The following CREB3L3 variants were observed in gnomAD, a reference collection of about 807,000 sequenced individuals.
The protein encoded by CREB3L3 is cAMP responsive element binding protein 3 like 3.
CREB3L3 carries 40 observed loss-of-function variants against 44.6 expected under a neutral mutation model. The observed-to-expected ratio is 0.90, with a 90% CI of 0.70 to 1.17. The LOEUF is 1.17. CREB3L3 is among the 50% of genes most tolerant of loss of function. The pLI, the probability that CREB3L3 is intolerant of heterozygous loss-of-function variation, is 0.00. For synonymous variants in CREB3L3, 273 were observed against 256.3 expected (o/e 1.06, Z -0.62); for missense variants, 578 against 595.8 (o/e 0.97, Z 0.31).
chr19:4,156,822 A>G (rs891809298), intron 2 of CREB3L3, among the ~76,000 whole-genome samples, 173 bp from the exon 3 acceptor site: 23 of 152,014 alleles, frequency 1.5e-4, no homozygotes, highest in Admixed American at 1.4e-3. Flanking sequence ...TTTTTATGCT[A>G]TGTTACTGCG....
chr19:4,157,330 C>A, intron 3 of CREB3L3, 35 bp downstream of exon 3: 2 of 1,609,716 alleles, frequency 1.2e-6, no homozygotes, highest in Non-Finnish European at 8.5e-7. Flanking sequence ...ACCGCCCTCA[C>A]CTTGTTCCAG....
rs1034184949 is a variant in CREB3L3 at position 4,153,680 on chromosome 19, C to T, written c.-68C>T. 11 of 1,588,900 alleles carry T rather than the reference C, an allele frequency of 6.9e-6. No individual in the cohort carries two copies. Among genetic ancestry groups the T allele is most frequent in the African/African-American group, 2.7e-5 (2 of 74,412 alleles). The stretch of plus-strand genomic sequence containing the variant: ...CTTGCCCGGCCCCAGGTAACGCTGG[C>T]GGTGGGTGGGCCTCCAGCTTGGAGC... On this transcript the variant is annotated 5_prime_UTR_variant, in exon 1 of 10. Coordinates refer to ENST00000078445, the MANE Select transcript of CREB3L3 (RefSeq NM_032607.3).
At chr19:4,158,640 A>G (rs180922962) in intron 3 of CREB3L3, among the ~76,000 whole-genome samples, 7 of 152,134 alleles carry the variant, frequency 4.6e-5, no homozygotes, top group Admixed American at 3.9e-4. Context: ...GTCTCTACTA[A>G]AAATACAAAA....
chr19:4,156,037 C>G (rs1188075732), intron 2 of CREB3L3, among the ~76,000 whole-genome samples: 4 of 151,666 alleles, frequency 2.6e-5, no homozygotes, highest in Admixed American at 2.6e-4. Context: ...GCGTGAGCCA[C>G]CACACCCGGC....
chr19:4,159,639 C>T (rs766271482), intron 3 of CREB3L3, 25 bp from the exon 4 acceptor site: 22 of 1,086,950 alleles, frequency 2.0e-5, no homozygotes, highest in Non-Finnish European at 2.9e-5. Flanking sequence ...CTCTCCCTGT[C>T]TCCGTCCCCA....
Position 4,168,334 on chromosome 19 carries a change from C to T in CREB3L3, c.715-17C>T, listed in dbSNP as rs748040524. 5 of 1,601,154 alleles carry T rather than the reference C, an allele frequency of 3.1e-6. No individual in the cohort carries two copies. The highest frequency in any genetic ancestry group is 3.4e-6 in the Non-Finnish European group (4 of 1,171,096). On this transcript the variant is annotated splice_polypyrimidine_tract_variant and intron_variant, in intron 5 of 9. Coordinates refer to ENST00000078445, the MANE Select transcript of CREB3L3 (RefSeq NM_032607.3). ...GACTTTCTGGCCTGAAACCCTCCTC[C>T]CCATTTCACTTGGCAGTACGAGGAG...
At chr19:4,163,572 G>A (rs918103416) in intron 4 of CREB3L3, among the ~76,000 whole-genome samples, 1 of 152,092 alleles carries the variant, frequency 6.6e-6, no homozygotes, top group African/African-American at 2.4e-5. Flanking sequence ...TGTCGCCCAG[G>A]CTGGATCTCA....
chr19:4,171,576 CCT>C lies in CREB3L3; in HGVS notation c.1073-79_1073-78del. 2 of 1,602,942 alleles carry C rather than the reference CCT, an allele frequency of 1.2e-6. No homozygotes were observed. The highest frequency in any genetic ancestry group is 1.7e-6 in the Non-Finnish European group (2 of 1,170,144). ...GGAGAAGACCCCTGTGCCCTTGTTC[CCT>C]GAGGCTGGGGGCCAGGGAAGGGAGC... On this transcript the variant is annotated intron_variant, in intron 9 of 9. Coordinates refer to ENST00000078445, the MANE Select transcript of CREB3L3 (RefSeq NM_032607.3). This position sits in a 1 kb window ranked among gnomAD's most constrained non-coding sequence, Gnocchi z 4.9.
At chr19:4,162,411 A>G (rs1349926198) in intron 4 of CREB3L3, among the ~76,000 whole-genome samples, 1 of 151,456 alleles carries the variant, frequency 6.6e-6, no homozygotes, top group East Asian at 1.9e-4. Context: ...TTTTTTGTAT[A>G]GCTGACATAC....
chr19:4,170,053 T>G, intron 6 of CREB3L3, 87 bp from the exon 7 acceptor site: 1 of 1,307,666 alleles, frequency 7.6e-7, no homozygotes, highest in Admixed American at 1.7e-5. Context: ...TCTCTTGGCT[T>G]GTAACGTGAG....
chr19:4,169,694 C>T (rs921398694), intron 6 of CREB3L3, among the ~76,000 whole-genome samples: 5 of 148,378 alleles, frequency 3.4e-5, no homozygotes, highest in Non-Finnish European at 7.4e-5. Flanking sequence ...CGGGTTCAAT[C>T]GATTCTCCTG....
intron 4 of CREB3L3, among the ~76,000 whole-genome samples, chr19:4,164,076 C>T (rs1392233106): frequency 2.7e-5 from 4 of 149,136 alleles, no homozygotes; most frequent in Admixed American, 6.8e-5. Flanking sequence ...TGGGTTCAAG[C>T]GATTCTCCTG....
intron 2 of CREB3L3, among the ~76,000 whole-genome samples, chr19:4,156,324 A>AT: frequency 6.6e-6 from 1 of 151,698 alleles, no homozygotes; most frequent in African/African-American, 2.4e-5. Context: ...AGTAGCTGAG[A>AT]TTACAGGCAT....
rs1195799843 is a variant in CREB3L3 at position 4,166,708 on chromosome 19, A to ATTG, written c.715-1631_715-1629dup. On this transcript the variant is annotated intron_variant, in intron 5 of 9. Coordinates refer to ENST00000078445, the MANE Select transcript of CREB3L3 (RefSeq NM_032607.3). Reference sequence around the variant, plus strand: ...ACCGTGCCTGGCCCCATCTGTTTCTATTGTTGTTGTTGTTTGTTTTGAGAT... The same window carrying ATTG: ...ACCGTGCCTGGCCCCATCTGTTTCTATTGTTGTTGTTGTTGTTTGTTTTGAGAT... Among the ~76,000 whole-genome samples the ATTG allele has an allele frequency of 4.0e-5, 6 of 149,978 alleles. No homozygotes were observed. The East Asian group carries it at 1.0e-3, about 25-fold the overall frequency.
At chr19:4,154,807 C>T in intron 1 of CREB3L3, 92 bp from the exon 2 acceptor site, 1 of 1,594,068 alleles carries the variant, frequency 6.3e-7, no homozygotes, top group Non-Finnish European at 8.6e-7. Context: ...GGCAACTGAA[C>T]TCTAGCCGGA....
rs766216560 is a variant in CREB3L3, at chr19:4,159,716, G to A, written c.510G>A (p.Val170=). Residue 170 remains valine (V), a synonymous_variant, in exon 4 of 10, where the codon GTG becomes GTA. Transcript: ENST00000078445. ...GTGCTGAGAAGCCGGCTGATCCGGTGGACCTGTCCCCACGATGCAATCTCA... is the reference window on the plus strand; with the variant it reads ...GTGCTGAGAAGCCGGCTGATCCGGTAGACCTGTCCCCACGATGCAATCTCA... ...RICAEKPADP[V]DLSPRCNLTV... The A allele has an allele frequency of 7.5e-6, 12 of 1,603,624 alleles. No individual in the cohort carries two copies. The Admixed American group carries it at 2.0e-4, about 27-fold the overall frequency.
chr19:4,169,344 G>A (rs1194860148), intron 6 of CREB3L3, among the ~76,000 whole-genome samples: 1 of 151,878 alleles, frequency 6.6e-6, no homozygotes, highest in African/African-American at 2.4e-5. Flanking sequence ...ACTGGGCTTG[G>A]TGGCGGGTGC....
intron 5 of CREB3L3, 105 bp downstream of exon 5, chr19:4,164,745 G>A: frequency 7.4e-7 from 1 of 1,355,432 alleles, no homozygotes; most frequent in Non-Finnish European, 1.0e-6. Context: ...GTCTTTCTCT[G>A]TCACTGAGGC....
intron 6 of CREB3L3, among the ~76,000 whole-genome samples, chr19:4,168,733 A>G (rs1183574484): frequency 1.3e-5 from 2 of 151,988 alleles, no homozygotes; most frequent in Non-Finnish European, 2.9e-5. Context: ...GAAGATAGAC[A>G]CTTCCTTTTT....
Sources: allele counts gnomAD v4.1 joint callset (sites outside exome capture counted in the v4.1 genomes callset), GRCh38; gene constraint gnomAD v4.1.1; non-coding constraint Gnocchi (gnomAD v3.1); transcripts MANE v1.5; gene names NCBI Gene and HGNC (gene_info 2026-07-23, HGNC 2026-07-21).